The following RPGR variants were observed in gnomAD, a reference collection of about 807,000 sequenced individuals.
RPGR encodes X-linked retinitis pigmentosa GTPase regulator.
In RPGR, 10 loss-of-function variants were observed where a neutral mutation model predicts 56.3. The ratio of observed to expected loss-of-function variants is 0.18; its 90% CI spans 0.11 to 0.30. RPGR has a LOEUF of 0.30. RPGR is among the 10% of genes least tolerant of loss of function. The pLI, the probability that RPGR is intolerant of heterozygous loss-of-function variation, is 1.00. For missense variants in RPGR, 538 were observed against 590.9 expected, an observed-to-expected ratio of 0.91 and a Z score of 0.93; for synonymous variants, 197 against 212.9, an observed-to-expected ratio of 0.93 and a Z score of 0.65.
Position 38,285,356 on chromosome X carries a change from C to T in RPGR, c.1905+1738G>A, listed in dbSNP as rs147363795. 20 of 1,067,764 alleles carry T rather than the reference C, an allele frequency of 1.9e-5. No individual in the cohort carries two copies. The African/African-American group carries it at 3.6e-4, about 19-fold the overall frequency. The allele number at this position is 1,067,764 out of a possible 1,213,427, so 88.0% of individuals were successfully genotyped here. On this transcript the variant is annotated intron_variant, in intron 15 of 18. Transcript: ENST00000642395. ...CACGAAAATTTTAGTTTGAGAGAGGCCAAAATTTACCAGTGCCTCCTATTG... is the reference window on the plus strand; with the variant it reads ...CACGAAAATTTTAGTTTGAGAGAGGTCAAAATTTACCAGTGCCTCCTATTG...
intron 16 of RPGR, among the ~76,000 whole-genome samples, chrX:38,276,306 A>G (rs1167377006): frequency 9.0e-6 from 1 of 111,642 alleles, no homozygotes; most frequent in African/African-American, 3.3e-5. Flanking sequence ...TTCTTGGTTA[A>G]TTTCCCAACG....
intron 16 of RPGR, chrX:38,276,496 C>T (rs2066938635): frequency 2.2e-6 from 2 of 917,016 alleles, no homozygotes; most frequent in Admixed American, 4.5e-5. Context: ...ATTTCTGATC[C>T]CAAAGGCAAC....
At chrX:38,287,670 T>A in intron 14 of RPGR, 191 bp downstream of exon 14, 1 of 525,637 alleles carries the variant, frequency 1.9e-6, no homozygotes, top group Non-Finnish European at 3.4e-6. Flanking sequence ...TTTCTGCCAG[T>A]TTAGTTTCCT....
intron 15 of RPGR, among the ~76,000 whole-genome samples, chrX:38,278,337 T>G (rs1232513542): frequency 1.8e-5 from 2 of 112,144 alleles, no homozygotes; most frequent in African/African-American, 6.5e-5. Flanking sequence ...ACCTCCCGGG[T>G]TGAAGCGATT....
chrX:38,324,673 C>A (rs776903615), intron 1 of RPGR, among the ~76,000 whole-genome samples: 3 of 107,587 alleles, frequency 2.8e-5, no homozygotes, highest in Non-Finnish European at 5.8e-5. Context: ...TCTTCCTCTA[C>A]CATAAGAGTT....
At chrX:38,327,256 C>T (rs1490153832) in intron 1 of RPGR, 84 bp downstream of exon 1, 3 of 1,024,324 alleles carry the variant, frequency 2.9e-6, no homozygotes, top group Non-Finnish European at 3.9e-6. Flanking sequence ...GCCTGTCCCC[C>T]TACAGGGCCG....
chrX:38,318,883 C>G lies in RPGR; in HGVS notation c.415G>C (p.Glu139Gln). ...GCAGACAGCTGCTTAATCTTATGCT[C>G]GGATGTAAAAAAGCTAATTACATGA... Residue 139 changes from glutamate to glutamine, a missense_variant, in exon 5 of 19, where the codon GAG becomes CAG. Transcript: ENST00000642395. 1 of 1,211,360 alleles carries G rather than the reference C, an allele frequency of 8.3e-7. No individual in the cohort carries two copies. Among genetic ancestry groups the G allele is most frequent in the Non-Finnish European group, 1.1e-6 (1 of 895,191 alleles).
At chrX:38,321,171 G>A (rs1374519323) in intron 3 of RPGR, 82 bp from the exon 4 acceptor site, 1 of 724,346 alleles carries the variant, frequency 1.4e-6, no homozygotes, top group Non-Finnish European at 2.2e-6. Flanking sequence ...CTAAGTGATA[G>A]AACCGAGATT....
intron 13 of RPGR, among the ~76,000 whole-genome samples, chrX:38,290,653 C>T (rs1468364658): frequency 9.0e-6 from 1 of 111,652 alleles, no homozygotes; most frequent in Non-Finnish European, 1.9e-5. Flanking sequence ...TAGTCTTTTC[C>T]TATACATAAG....
intron 15 of RPGR, among the ~76,000 whole-genome samples, chrX:38,279,558 C>T (rs372814590): frequency 9.2e-6 from 1 of 109,238 alleles, no homozygotes; most frequent in East Asian, 2.9e-4. Flanking sequence ...GGGGGTGGGG[C>T]TGAGAGTGGG....
At chrX:38,313,722 C>T (rs1023284382) in intron 6 of RPGR, among the ~76,000 whole-genome samples, 1 of 111,622 alleles carries the variant, frequency 9.0e-6, no homozygotes, top group Non-Finnish European at 1.9e-5. Flanking sequence ...TCTCAGATAC[C>T]ACCACCTCTC....
chrX:38,282,806 A>T (rs937241520), intron 15 of RPGR, among the ~76,000 whole-genome samples: 2 of 110,284 alleles, frequency 1.8e-5, no homozygotes, highest in Admixed American at 9.7e-5. Flanking sequence ...CAGCAGCAGC[A>T]GTTTCTGTGG....
chrX:38,276,441 T>G, intron 16 of RPGR: 1 of 580,572 alleles, frequency 1.7e-6, no homozygotes, highest in Non-Finnish European at 2.8e-6. Context: ...CCAAAGCCTT[T>G]CTCTTATGGC....
In RPGR at chrX:38,310,792, A is replaced by G; in HGVS notation, c.620-19T>C. On this transcript the variant is annotated intron_variant, in intron 6 of 18. Transcript: ENST00000642395. ...CCATCTGCTATTGAAGGAAAAGTAT[A>G]GTGATTAGTGATGACATACATATGA... is the stretch of plus-strand genomic sequence containing the variant. 1 of 1,202,022 alleles carries G rather than the reference A, an allele frequency of 8.3e-7. No homozygotes were observed. Among genetic ancestry groups the G allele is most frequent in the South Asian group, 1.8e-5 (1 of 56,533 alleles).
At chrX:38,304,848 C>T in intron 7 of RPGR, 58 bp from the exon 8 acceptor site, 1 of 1,095,035 alleles carries the variant, frequency 9.1e-7, no homozygotes, top group Non-Finnish European at 1.3e-6. Flanking sequence ...CTGTTACCAT[C>T]ATATCTGGAA....
chrX:38,321,106 T>C lies in RPGR; in HGVS notation c.248-17A>G. On this transcript the variant is annotated splice_polypyrimidine_tract_variant and intron_variant, in intron 3 of 18. Transcript: ENST00000642395. ...GTTTTAGAGCTAAAAATATTTAAAA[T>C]GGGACAATTATTTTATAGCAATGAA... 8.8e-7 allele frequency: 1 copy of C among 1,133,291 alleles called. No homozygotes were observed. The highest frequency in any genetic ancestry group is 1.2e-6 in the Non-Finnish European group (1 of 824,681). The allele number at this position is 1,133,291 out of a possible 1,213,427, so 93.4% of individuals were successfully genotyped here.
At chrX:38,313,811 T>C (rs1569255778) in intron 6 of RPGR, among the ~76,000 whole-genome samples, 2 of 106,181 alleles carry the variant, frequency 1.9e-5, no homozygotes, top group South Asian at 3.8e-4. Context: ...ATACATCCTA[T>C]AGTTTGACTG....
intron 9 of RPGR, among the ~76,000 whole-genome samples, chrX:38,300,043 G>A (rs150791663): frequency 0.02 from 2,204 of 110,008 alleles, 38 homozygotes; most frequent in Middle Eastern, 0.052. Context: ...TCTGCCTCCC[G>A]GATTCAAGCA....
chrX:38,299,749 A>C (rs1048733010), intron 9 of RPGR, among the ~76,000 whole-genome samples: 12 of 110,130 alleles, frequency 1.1e-4, no homozygotes, highest in African/African-American at 3.6e-4. Flanking sequence ...TAAAAAAAAA[A>C]CCCATAGTGC....
Sources: gnomAD v4.1 joint callset for allele counts (sites outside exome capture counted in the v4.1 genomes callset) on GRCh38, gnomAD v4.1.1 for gene constraint, MANE v1.5 for transcripts, NCBI Gene and HGNC (gene_info 2026-07-23, HGNC 2026-07-21) for gene names.